NRDC: variants seen among roughly 807,000 people sequenced by gnomAD.
NRDC encodes nardilysin.
In NRDC, 54 loss-of-function variants were observed where a neutral mutation model predicts 147.1. The ratio of observed to expected loss-of-function variants is 0.37; its 90% confidence interval spans 0.29 to 0.46. The LOEUF (loss-of-function observed/expected upper bound fraction) is 0.46. Among genes scored for constraint, NRDC ranks in the 20% least tolerant of loss-of-function variants. NRDC has a pLI of 1.00. For synonymous variants in NRDC, 440 were observed against 482.1 expected (o/e 0.91, Z 1.14); for missense variants, 1,082 against 1,370.6 (o/e 0.79, Z 3.33).
chr1:51,877,341 G>A (rs1411284126), intron 1 of NRDC, among the ~76,000 whole-genome samples: 1 of 152,018 alleles, frequency 6.6e-6, no homozygotes, highest in South Asian at 2.1e-4. Flanking sequence ...CGAAGTTATT[G>A]GACAATATGA....
At chr1:51,834,949 A>C (rs1680879664) in intron 3 of NRDC, among the ~76,000 whole-genome samples, 1 of 152,216 alleles carries the variant, frequency 6.6e-6, no homozygotes, top group Non-Finnish European at 1.5e-5. Context: ...TAAGAAGTAT[A>C]CCCTCAAATA....
chr1:51,852,986 G>C (rs1682050735), intron 1 of NRDC, among the ~76,000 whole-genome samples: 1 of 152,040 alleles, frequency 6.6e-6, no homozygotes, highest in Non-Finnish European at 1.5e-5. Flanking sequence ...CACTTTGGGA[G>C]GCCGAGGCGG....
At chr1:51,804,105 A>T (rs1679339607) in intron 19 of NRDC, 141 bp from the exon 20 acceptor site, 2 of 686,474 alleles carry the variant, frequency 2.9e-6, no homozygotes. Context: ...AATACAGCTT[A>T]CTCAGGATTC....
chr1:51,806,179 T>C (rs1259560542), intron 18 of NRDC, among the ~76,000 whole-genome samples: 1 of 152,082 alleles, frequency 6.6e-6, no homozygotes, highest in African/African-American at 2.4e-5. Context: ...ATAAGGACTT[T>C]AGAGTCTACT....
At chr1:51,812,400 C>T (rs1014188908) in intron 14 of NRDC, among the ~76,000 whole-genome samples, 1 of 152,034 alleles carries the variant, frequency 6.6e-6, no homozygotes, top group Non-Finnish European at 1.5e-5. Context: ...TGGCAGTACA[C>T]GCCTGTAGTG....
rs1481653502 is a variant in NRDC, at chr1:51,822,305, T to C, written c.1160-750A>G. Reference sequence around the variant, plus strand: ...CATTTCTGAATTTATATTATTTATATAGATGTTTGACTCTTAAATGGTATA... The same window carrying C: ...CATTTCTGAATTTATATTATTTATACAGATGTTTGACTCTTAAATGGTATA... On this transcript the variant is annotated intron_variant, in intron 7 of 30. Coordinates refer to ENST00000352171, the MANE Select transcript of NRDC (RefSeq NM_001101662.2). 4.6e-5 allele frequency among the ~76,000 whole-genome samples: 7 copies of C among 152,130 alleles called. No individual in the cohort carries two copies. In the East Asian group the frequency reaches 1.3e-3, roughly 29 times the overall value.
At chr1:51,819,384 T>C (rs188502000) in intron 9 of NRDC, among the ~76,000 whole-genome samples, 103 of 152,362 alleles carry the variant, frequency 6.8e-4, no homozygotes, top group Middle Eastern at 6.8e-3. Context: ...CTTGACATTT[T>C]ATATTTTTAT....
At chr1:51,862,825 G>A (rs558827659) in intron 1 of NRDC, among the ~76,000 whole-genome samples, 4 of 149,606 alleles carry the variant, frequency 2.7e-5, no homozygotes, top group Non-Finnish European at 4.5e-5. Context: ...AGACCAGCTG[G>A]ACAACAAAAC....
At chr1:51,798,476 G>T in intron 21 of NRDC, 65 bp from the exon 22 acceptor site, 1 of 1,361,782 alleles carries the variant, frequency 7.3e-7, no homozygotes, top group Non-Finnish European at 1.0e-6. Flanking sequence ...TCAGAATAAA[G>T]AAATGTTTGG....
chr1:51,855,851 T>C (rs1261817874), intron 1 of NRDC, among the ~76,000 whole-genome samples: 1 of 151,430 alleles, frequency 6.6e-6, no homozygotes, highest in Non-Finnish European at 1.5e-5. Flanking sequence ...CCAGCATGGG[T>C]GACAGATGGA....
At chr1:51,814,931 T>C in intron 11 of NRDC, 118 bp from the exon 12 acceptor site, 1 of 1,101,702 alleles carries the variant, frequency 9.1e-7, no homozygotes, top group Admixed American at 3.2e-5. Flanking sequence ...AGCCTTTGAA[T>C]GTAAACATAT....
At chr1:51,825,456 A>C in intron 5 of NRDC, 74 bp from the exon 6 acceptor site, 2 of 1,142,184 alleles carry the variant, frequency 1.8e-6, no homozygotes, top group South Asian at 2.7e-5. Flanking sequence ...TCAAACTTAC[A>C]GAACAGAAAG....
chr1:51,871,417 C>T (rs1425189073), intron 1 of NRDC, among the ~76,000 whole-genome samples: 2 of 145,358 alleles, frequency 1.4e-5, no homozygotes, highest in Non-Finnish European at 3.0e-5. Flanking sequence ...GTAATAATTT[C>T]TCGAGTCTCC....
rs373516468 is a variant in NRDC, at chr1:51,855,502, T to C, written c.342-14988A>G. On this transcript the variant is annotated intron_variant, in intron 1 of 30. Transcript: ENST00000352171. ...CAAGCCCTTATAAAGAAAAAAAAAA[T>C]GAAAAGAGTTCACTGTATACTAATT... is the stretch of plus-strand genomic sequence containing the variant. Among the ~76,000 whole-genome samples, 3 of 148,474 alleles carry C rather than the reference T, an allele frequency of 2.0e-5. No homozygotes were observed. In the South Asian group the frequency reaches 6.5e-4, roughly 32 times the overall value.
intron 1 of NRDC, among the ~76,000 whole-genome samples, chr1:51,860,876 T>G (rs559668723): frequency 8.5e-5 from 13 of 152,196 alleles, no homozygotes; most frequent in Non-Finnish European, 1.6e-4. Flanking sequence ...ATTTTACTTT[T>G]GTTAATATTT....
chr1:51,792,903 C>T (rs531825923), intron 24 of NRDC, among the ~76,000 whole-genome samples: 21 of 152,314 alleles, frequency 1.4e-4, no homozygotes, highest in East Asian at 3.9e-4. Flanking sequence ...AAAGAAGCCA[C>T]GCTTTGGGAC....
intron 1 of NRDC, among the ~76,000 whole-genome samples, chr1:51,846,543 G>A (rs954247174): frequency 1.3e-5 from 2 of 152,270 alleles, no homozygotes; most frequent in African/African-American, 4.8e-5. Flanking sequence ...AAAGCGGCTT[G>A]TTTGGAGTTT....
chr1:51,819,711 C>A (rs556754950), intron 9 of NRDC, 89 bp downstream of exon 9: 3 of 1,020,578 alleles, frequency 2.9e-6, no homozygotes, highest in South Asian at 1.5e-5. Context: ...GTTGTGTTCT[C>A]ATTTTCAATG....
chr1:51,872,151 G>GT (rs1683115647), intron 1 of NRDC, among the ~76,000 whole-genome samples: 1 of 152,172 alleles, frequency 6.6e-6, no homozygotes. Flanking sequence ...GATTACAGGC[G>GT]TGAGCCACGG....
Sources: allele counts gnomAD v4.1 joint callset (sites outside exome capture counted in the v4.1 genomes callset), GRCh38; gene constraint gnomAD v4.1.1; transcripts MANE v1.5; gene names NCBI Gene and HGNC (gene_info 2026-07-23, HGNC 2026-07-21).